ACKR5: variants seen among roughly 807,000 people sequenced by gnomAD.
ACKR5 encodes the protein atypical chemokine receptor 5.
At chr12:56,996,586 T>G in the ACKR5 span, 1 of 637,150 alleles carries the variant, frequency 1.6e-6, no homozygotes, top group Non-Finnish European at 2.7e-6. Flanking sequence ...TCAGGAGCGA[T>G]AGAGAGCAGG....
At chr12:56,996,186 A>G in the ACKR5 span, 1 of 1,613,938 alleles carries the variant, frequency 6.2e-7, no homozygotes, top group South Asian at 1.1e-5. Flanking sequence ...CTCAGCCCAC[A>G]CTTCCGGGGC....
chr12:56,996,602 A>G, the ACKR5 span: 1 of 582,518 alleles, frequency 1.7e-6, no homozygotes, highest in East Asian at 2.9e-5. Context: ...GCAGGCCCTC[A>G]GTGTTGTACT....
the ACKR5 span, chr12:56,996,582 G>A: frequency 1.5e-6 from 1 of 648,252 alleles, no homozygotes; most frequent in South Asian, 2.2e-5. Flanking sequence ...AGGATCAGGA[G>A]CGATAGAGAG....
chr12:56,996,861 T>TAC, the ACKR5 span: 2 of 162,500 alleles, frequency 1.2e-5, no homozygotes, highest in South Asian at 1.8e-4. Flanking sequence ...CTTGTTGATC[T>TAC]TCCAGCTCAC....
At chr12:56,995,226 G>C in the ACKR5 span, 4 of 1,613,388 alleles carry the variant, frequency 2.5e-6, no homozygotes, top group Non-Finnish European at 3.4e-6. The surrounding 1 kb of genome is among the most constrained non-coding windows in gnomAD (Gnocchi z 4.7). Flanking sequence ...GTGAAACCCA[G>C]CTGGGGGCCT....
chr12:56,996,070 C>G, the ACKR5 span: 1 of 1,612,724 alleles, frequency 6.2e-7, no homozygotes, highest in African/African-American at 1.3e-5. Flanking sequence ...ATGGGACCCA[C>G]ATCTCCCTCC....
the ACKR5 span, chr12:56,995,681 G>C: frequency 6.2e-7 from 1 of 1,613,742 alleles, no homozygotes. This position sits in a 1 kb window ranked among gnomAD's most constrained non-coding sequence, Gnocchi z 4.7. Context: ...CCTCACCAGC[G>C]CCTCCCCCTC....
At chr12:56,995,903 C>T in the ACKR5 span, 1 of 1,612,480 alleles carries the variant, frequency 6.2e-7, no homozygotes, top group African/African-American at 1.3e-5. This position sits in a 1 kb window ranked among gnomAD's most constrained non-coding sequence, Gnocchi z 4.7. Flanking sequence ...GCTGCCCTTC[C>T]CTCTCATCAC....
the ACKR5 span, chr12:56,997,335 G>A: frequency 6.6e-6 from 1 of 152,270 alleles, no homozygotes; most frequent in Non-Finnish European, 1.5e-5. Context: ...CCAGCAGCAG[G>A]TGCTGGCAGA....
the ACKR5 span, chr12:56,995,897 C>A: frequency 5.0e-6 from 8 of 1,612,378 alleles, no homozygotes; most frequent in Non-Finnish European, 6.8e-6. This position sits in a 1 kb window ranked among gnomAD's most constrained non-coding sequence, Gnocchi z 4.7. Flanking sequence ...CTTCCTGCTG[C>A]CCTTCCCTCT....
At chr12:56,996,726 G>C in the ACKR5 span, 1 of 323,140 alleles carries the variant, frequency 3.1e-6, no homozygotes, top group Non-Finnish European at 5.7e-6. Context: ...GCTGGGATTG[G>C]GAAGGGAGCT....
chr12:56,998,412 A>G, the ACKR5 span: 1 of 152,268 alleles, frequency 6.6e-6, no homozygotes, highest in African/African-American at 2.4e-5. Flanking sequence ...TCACGCATGT[A>G]TCAACCTCAT....
the ACKR5 span, chr12:56,995,531 G>C: frequency 6.2e-7 from 1 of 1,614,062 alleles, no homozygotes; most frequent in Non-Finnish European, 8.5e-7. The surrounding 1 kb of genome is among the most constrained non-coding windows in gnomAD (Gnocchi z 4.7). Flanking sequence ...GTCTCTGCCC[G>C]TGTGGATGCT....
chr12:56,998,861 A>G, the ACKR5 span: 1 of 152,664 alleles, frequency 6.6e-6, no homozygotes, highest in Non-Finnish European at 1.5e-5. Context: ...TTTATTCTAA[A>G]TAAAAACCAC....
the ACKR5 span, chr12:56,997,324 G>C: frequency 2.6e-5 from 4 of 152,382 alleles, no homozygotes; most frequent in South Asian, 8.3e-4. Context: ...CCTTGGGACA[G>C]CCAGCAGCAG....
the ACKR5 span, chr12:56,995,401 T>G: frequency 6.2e-7 from 1 of 1,614,202 alleles, no homozygotes; most frequent in Non-Finnish European, 8.5e-7. The surrounding 1 kb of genome is among the most constrained non-coding windows in gnomAD (Gnocchi z 4.7). Flanking sequence ...TGGCCATGTT[T>G]GTGGTTGGGC....
At chr12:56,995,345 G>A in the ACKR5 span, 1 of 1,614,218 alleles carries the variant, frequency 6.2e-7, no homozygotes, top group Non-Finnish European at 8.5e-7. This position sits in a 1 kb window ranked among gnomAD's most constrained non-coding sequence, Gnocchi z 4.7. Context: ...GTGCCACGTG[G>A]AGCTCAGCCA....
the ACKR5 span, chr12:56,998,873 C>T: frequency 6.6e-6 from 1 of 152,618 alleles, no homozygotes; most frequent in Non-Finnish European, 1.5e-5. Context: ...AAAAACCACA[C>T]TTTGTGCTGA....
At chr12:56,996,103 C>T in the ACKR5 span, 2 of 1,613,772 alleles carry the variant, frequency 1.2e-6, no homozygotes, top group Non-Finnish European at 1.7e-6. Flanking sequence ...TCCACCTGCT[C>T]TACTTCTTCT....
Sources: allele counts gnomAD v4.1 joint callset, GRCh38; gene constraint gnomAD v4.1.1; non-coding constraint Gnocchi (gnomAD v3.1); transcripts MANE v1.5; gene names NCBI Gene and HGNC (gene_info 2026-07-23, HGNC 2026-07-21).